GLIS1: variants seen among roughly 807,000 people sequenced by gnomAD.
GLIS1 encodes GLIS family zinc finger 1.
In GLIS1, 24 loss-of-function variants were observed where a neutral mutation model predicts 63.8. That is an observed-to-expected ratio of 0.38 (90% CI 0.27 to 0.53). The LOEUF is 0.53. GLIS1 is among the 20% of genes least tolerant of loss of function. The probability of loss-of-function intolerance (pLI) is 0.85; values close to 1 mark genes in which losing one functional copy is unlikely to be tolerated. For missense variants in GLIS1, 1,036 were observed against 1,074.1 expected (o/e 0.96, Z 0.50); for synonymous variants, 450 against 482.5 (o/e 0.93, Z 0.88).
chr1:53,605,450 A>C (rs1195178162), intron 2 of GLIS1, among the ~76,000 whole-genome samples: 1 of 152,058 alleles, frequency 6.6e-6, no homozygotes, highest in Non-Finnish European at 1.5e-5. Context: ...CCACTGCCTG[A>C]GCTCCCCGGC....
At chr1:53,637,641 G>A (rs1265932561) in intron 2 of GLIS1, among the ~76,000 whole-genome samples, 1 of 152,100 alleles carries the variant, frequency 6.6e-6, no homozygotes, top group African/African-American at 2.4e-5. Context: ...ATAACCTTGG[G>A]CAAGACTCAA....
chr1:53,509,795 T>C, intron 9 of GLIS1, 54 bp downstream of exon 9: 1 of 1,093,052 alleles, frequency 9.1e-7, no homozygotes, highest in Non-Finnish European at 1.2e-6. Flanking sequence ...TCCTCTGGGG[T>C]CCCTAAGTGG....
Position 53,574,939 on chromosome 1 carries a change from G to C in GLIS1, c.1320+19169C>G, listed in dbSNP as rs1279586577. Among the ~76,000 whole-genome samples, 1 of 152,138 alleles carries C rather than the reference G, an allele frequency of 6.6e-6. No individual in the cohort carries two copies. Among genetic ancestry groups the C allele is most frequent in the East Asian group, 1.9e-4 (1 of 5,186 alleles). The stretch of plus-strand genomic sequence containing the variant: ...AATGGTGTGATCACTCCGGGGGCAG[G>C]GTGGGCAGCCCCGGTCTGAACCTCA... On this transcript the variant is annotated intron_variant, in intron 4 of 10. Transcript: ENST00000628545. The surrounding 1 kb of genome is among the most constrained non-coding windows in gnomAD (Gnocchi z 4.2).
Position 53,717,212 on chromosome 1 carries a change from C to T in GLIS1, c.259+20594G>A, listed in dbSNP as rs147747653. 4.0e-3 allele frequency among the ~76,000 whole-genome samples: 615 copies of T among 152,300 alleles called. 4 individuals carry two copies. Among genetic ancestry groups the T allele is most frequent in the Non-Finnish European group, 5.8e-3 (394 of 68,038 alleles). On this transcript the variant is annotated intron_variant, in intron 2 of 10. Coordinates refer to ENST00000628545, the MANE Select transcript of GLIS1 (RefSeq NM_001367484.1). Reference sequence around the variant, plus strand: ...TACTTACCTCACTGGGTCTCAGTTTCATCATCAATAAAATGGGCATAATAA... The same window carrying T: ...TACTTACCTCACTGGGTCTCAGTTTTATCATCAATAAAATGGGCATAATAA...
At chr1:53,546,429 A>G (rs1219825658) in intron 4 of GLIS1, among the ~76,000 whole-genome samples, 1 of 152,234 alleles carries the variant, frequency 6.6e-6, no homozygotes, top group Non-Finnish European at 1.5e-5. Context: ...GATGGGGTGC[A>G]GCTTCGGATC....
intron 4 of GLIS1, among the ~76,000 whole-genome samples, chr1:53,543,405 G>A (rs1644664389): frequency 6.6e-6 from 1 of 152,206 alleles, no homozygotes; most frequent in Admixed American, 6.5e-5. Context: ...TTTCCTAGAT[G>A]AGGAGACAGA....
At position 53,560,549 on chromosome 1, in the gene GLIS1, G is replaced by A. The variant is rs749080765; in HGVS notation, c.1321-30597C>T. ...CCTTCCAGGGAGAGTGGAGGCTGTG[G>A]TCGGGAGGGCAGAGCGGGCTATAGG... On this transcript the variant is annotated intron_variant, in intron 4 of 10. Transcript: ENST00000628545. The surrounding 1 kb of genome is among the most constrained non-coding windows in gnomAD (Gnocchi z 4.4). Among the ~76,000 whole-genome samples the A allele has an allele frequency of 6.6e-6, 1 of 152,346 alleles. No homozygotes were observed. The highest frequency in any genetic ancestry group is 1.9e-4 in the East Asian group (1 of 5,180).
intron 2 of GLIS1, among the ~76,000 whole-genome samples, chr1:53,609,084 G>A (rs1645399745): frequency 6.6e-6 from 1 of 152,116 alleles, no homozygotes; most frequent in Non-Finnish European, 1.5e-5. Context: ...AGCTCTTATA[G>A]TGTTTCAAGC....
chr1:53,507,900 G>T (rs1231605259), intron 10 of GLIS1, among the ~76,000 whole-genome samples: 3 of 152,166 alleles, frequency 2.0e-5, no homozygotes, highest in Non-Finnish European at 4.4e-5. Context: ...ACAGTGCTGG[G>T]CACCTCAATT....
intron 2 of GLIS1, among the ~76,000 whole-genome samples, chr1:53,729,535 A>G (rs1557545148): frequency 7.1e-6 from 1 of 141,488 alleles, no homozygotes; most frequent in Admixed American, 7.3e-5. Context: ...GAAAAATAGT[A>G]AAGTTCCTGC....
At chr1:53,671,877 T>C (rs964150777) in intron 2 of GLIS1, among the ~76,000 whole-genome samples, 1 of 152,210 alleles carries the variant, frequency 6.6e-6, no homozygotes, top group Non-Finnish European at 1.5e-5. Flanking sequence ...AACCCAGATC[T>C]ACCCAACTCC....
intron 2 of GLIS1, among the ~76,000 whole-genome samples, chr1:53,659,191 G>A (rs1646000264): frequency 6.6e-6 from 1 of 152,132 alleles, no homozygotes; most frequent in Admixed American, 6.5e-5. Flanking sequence ...GGAAGGGAAG[G>A]AAACATTTCC....
chr1:53,529,382 T>C (rs1644505489), intron 5 of GLIS1, among the ~76,000 whole-genome samples: 1 of 152,176 alleles, frequency 6.6e-6, no homozygotes, highest in Admixed American at 6.5e-5. Flanking sequence ...AGCAATCTGC[T>C]CTGGCGTGGC....
intron 2 of GLIS1, among the ~76,000 whole-genome samples, chr1:53,626,488 C>CCT (rs1377434744): frequency 6.6e-6 from 1 of 152,198 alleles, no homozygotes; most frequent in Non-Finnish European, 1.5e-5. Flanking sequence ...CCGTGGAGGC[C>CCT]CTCCCTGACC....
At chr1:53,643,642 A>G (rs1257747891) in intron 2 of GLIS1, among the ~76,000 whole-genome samples, 1 of 152,206 alleles carries the variant, frequency 6.6e-6, no homozygotes, top group East Asian at 1.9e-4. Context: ...GACTTGGGCA[A>G]GTTATGGAAG....
chr1:53,563,877 C>T (rs1644913137), intron 4 of GLIS1, among the ~76,000 whole-genome samples: 3 of 152,158 alleles, frequency 2.0e-5, no homozygotes, highest in Admixed American at 2.0e-4. Context: ...AATCCATTGC[C>T]AGAGGCAACG....
At chr1:53,603,300 A>G (rs1003719649) in intron 2 of GLIS1, among the ~76,000 whole-genome samples, 3 of 152,156 alleles carry the variant, frequency 2.0e-5, no homozygotes, top group African/African-American at 7.2e-5. Flanking sequence ...CCAACTTTGC[A>G]GAGGGACACT....
In GLIS1 at chr1:53,594,754, C is replaced by T. The variant is rs1387346293; in HGVS notation, c.674G>A (p.Gly225Asp). 6.3e-7 allele frequency: 1 copy of T among 1,588,704 alleles called. No homozygotes were observed. Among genetic ancestry groups the T allele is most frequent in the Non-Finnish European group, 8.6e-7 (1 of 1,168,570 alleles). The change falls in exon 4 of 11, where the codon GGC becomes GAC. Residue 225 changes from glycine (G) to aspartate (D), a missense_variant. By Grantham distance (94) the Gly-to-Asp change is moderately conservative (BLOSUM62 -1). Coordinates refer to ENST00000628545, the MANE Select transcript of GLIS1 (RefSeq NM_001367484.1). The stretch of plus-strand genomic sequence containing the variant: ...GGGGAGGTGGGTCTCGGGCTGGAGG[C>T]CCAGGCCAGAGCTGGGTTCGCTGCC... The part of the protein sequence containing the change: ...LLGSEPSSGL[G>D]LQPETHLPEG...
intron 2 of GLIS1, among the ~76,000 whole-genome samples, chr1:53,670,440 T>C (rs1436245687): frequency 6.6e-6 from 1 of 152,210 alleles, no homozygotes; most frequent in African/African-American, 2.4e-5. Flanking sequence ...TGTTATTGAT[T>C]CAAAGACAAG....
Sources: gnomAD v4.1 joint callset for allele counts (sites outside exome capture counted in the v4.1 genomes callset) on GRCh38, gnomAD v4.1.1 for gene constraint, Gnocchi (gnomAD v3.1) non-coding constraint, MANE v1.5 for transcripts, NCBI Gene and HGNC (gene_info 2026-07-23, HGNC 2026-07-21) for gene names.